The following APC variants were observed in gnomAD, a reference collection of about 807,000 sequenced individuals.
The protein encoded by APC is adenomatous polyposis coli protein.
In APC, 72 loss-of-function variants were observed where a neutral mutation model predicts 247.0. That is an observed-to-expected ratio of 0.29 (90% CI 0.24 to 0.35). APC has a LOEUF of 0.35. APC is among the 10% of genes least tolerant of loss of function. The pLI, the probability that APC is intolerant of heterozygous loss-of-function variation, is 1.00. For missense variants in APC, 3,400 were observed against 3,360.7 expected (o/e 1.01, Z -0.29); for synonymous variants, 1,254 against 1,162.5 (o/e 1.08, Z -1.60).
At chr5:112,739,982 A>G (rs1416010048) in intron 1 of APC, among the ~76,000 whole-genome samples, 1 of 152,210 alleles carries the variant, frequency 6.6e-6, no homozygotes, top group Non-Finnish European at 1.5e-5. Flanking sequence ...TTGTATAACA[A>G]TGTAAAGAAC....
At chr5:112,786,149 C>T (rs1330071529) in intron 6 of APC, among the ~76,000 whole-genome samples, 1 of 152,130 alleles carries the variant, frequency 6.6e-6, no homozygotes, top group Non-Finnish European at 1.5e-5. Context: ...AGTGGCCATT[C>T]ACAGGAGCAA....
rs146269040 is a variant in APC, at chr5:112,791,118, T to G, written c.646-1328T>G. 3.2e-3 allele frequency among the ~76,000 whole-genome samples: 490 copies of G among 152,152 alleles called. 3 individuals are homozygous for G. Among genetic ancestry groups the G allele is most frequent in the African/African-American group, 0.011 (467 of 41,490 alleles). On this transcript the variant is annotated intron_variant, in intron 6 of 15. Transcript: ENST00000257430. Reference sequence around the variant, plus strand: ...AGTGAGTTGTTTTTTCCACTTCCACTAGTATTCATAAAAGTTAAAATGAAG... The same window carrying G: ...AGTGAGTTGTTTTTTCCACTTCCACGAGTATTCATAAAAGTTAAAATGAAG...
chr5:112,785,032 C>G (rs1178662113), intron 6 of APC, among the ~76,000 whole-genome samples: 2 of 151,960 alleles, frequency 1.3e-5, no homozygotes, highest in African/African-American at 4.8e-5. Context: ...CCACTGCACT[C>G]CAACCTGGGT....
Position 112,843,710 on chromosome 5 carries a change from G to A in APC, c.8116G>A (p.Val2706Met), listed in dbSNP as rs1766647850. The change falls in exon 16 of 16, where the codon GTG becomes ATG. Residue 2706 changes from valine (V) to methionine (M), a missense_variant. Val to Met is a conservative substitution (Grantham distance 21). This residue lies in a region of APC where 1,788 missense variants were observed against 1,649.5 expected (regional missense o/e 1.08). Transcript: ENST00000257430. This position sits in a 1 kb window ranked among gnomAD's most constrained non-coding sequence, Gnocchi z 4.8. ...AAAAGATAATCAGGCAAAACAAAAT[G>A]TGGGTAATGGCAGTGTTCCCATGCG... ...DSKDNQAKQN[V>M]GNGSVPMRTV... 2 of 1,614,066 alleles carry A rather than the reference G, an allele frequency of 1.2e-6. No homozygotes were observed. The highest frequency in any genetic ancestry group is 1.7e-6 in the Non-Finnish European group (2 of 1,179,954).
At chr5:112,807,217 C>G (rs114336248) in intron 8 of APC, among the ~76,000 whole-genome samples, 1,578 of 151,654 alleles carry the variant, frequency 0.01, 27 homozygotes, top group African/African-American at 0.036. Context: ...AAAGTGTTGA[C>G]CAAATATCTT....
At chr5:112,778,830 A>G (rs1758008421) in intron 5 of APC, among the ~76,000 whole-genome samples, 1 of 152,232 alleles carries the variant, frequency 6.6e-6, no homozygotes, top group Non-Finnish European at 1.5e-5. Context: ...GGTGTGAGCC[A>G]CTGCGCCCAG....
chr5:112,763,362 GTT>G (rs11367486), intron 2 of APC, among the ~76,000 whole-genome samples: 29 of 149,788 alleles, frequency 1.9e-4, no homozygotes, highest in Non-Finnish European at 1.2e-4. Context: ...TATTTTGCAG[GTT>G]TTTTTTTTCT....
rs902036382 is a variant in APC, at chr5:112,842,822, G to A, written c.7228G>A (p.Ala2410Thr). The A allele has an allele frequency of 6.2e-7, 1 of 1,613,704 alleles. No homozygotes were observed. The highest frequency in any genetic ancestry group is 8.5e-7 in the Non-Finnish European group (1 of 1,179,726). Reference sequence around the variant, plus strand: ...AAATCAGATGAATAATGGTAATGGAGCCAATAAAAAGGTAGAACTTTCTAG... The same window carrying A: ...AAATCAGATGAATAATGGTAATGGAACCAATAAAAAGGTAGAACTTTCTAG... ...GLNQMNNGNG[A>T]NKKVELSRMS... Residue 2410 changes from alanine (A) to threonine (T), a missense_variant, in exon 16 of 16, where the codon GCC becomes ACC. Ala to Thr is a moderately conservative substitution (Grantham distance 58). Coordinates refer to ENST00000257430, the MANE Select transcript of APC (RefSeq NM_000038.6).
rs775172323 is a variant in APC, at chr5:112,819,334, C to A, written c.1302C>A (p.Asp434Glu). ...CTCATGAACCAGGCATGGACCAGGA[C>A]AAAAATCCAAGTATGTTCTCTATAG... ...QEAHEPGMDQDKNPMPAPVEH... is the reference protein window; with the variant it reads ...QEAHEPGMDQEKNPMPAPVEH... Residue 434 changes from aspartate to glutamate, a missense_variant, in exon 10 of 16, where the codon GAC becomes GAA. Physicochemically the swap from Asp to Glu is conservative, Grantham distance 45 (BLOSUM62 2). Coordinates refer to ENST00000257430, the MANE Select transcript of APC (RefSeq NM_000038.6). 1 of 1,613,790 alleles carries A rather than the reference C, an allele frequency of 6.2e-7. No individual in the cohort carries two copies. Among genetic ancestry groups the A allele is most frequent in the East Asian group, 2.2e-5 (1 of 44,882 alleles).
At position 112,792,511 on chromosome 5, in the gene APC, C is replaced by G. The variant is rs758646398; in HGVS notation, c.711C>G (p.Ser237=). 1 of 1,612,162 alleles carries G rather than the reference C, an allele frequency of 6.2e-7. No homozygotes were observed. The highest frequency in any genetic ancestry group is 1.7e-5 in the Admixed American group (1 of 59,976). The stretch of plus-strand genomic sequence containing the variant: ...TTCGTATACGACAGCTTTTACAGTC[C>G]CAAGCAACAGAAGCAGAGGTTAGTA... ...DILRIRQLLQ[S]QATEAERSSQ... The change falls in exon 7 of 16, where the codon TCC becomes TCG. Residue 237 remains serine (S), a synonymous_variant. Transcript: ENST00000257430.
intron 1 of APC, among the ~76,000 whole-genome samples, chr5:112,740,578 G>A (rs1463391753): frequency 3.7e-5 from 5 of 135,870 alleles, no homozygotes; most frequent in South Asian, 4.6e-4. Context: ...CCAGGCTGGC[G>A]TGCAGTAGCA....
chr5:112,773,606 G>A (rs1187296439), intron 4 of APC, among the ~76,000 whole-genome samples: 4 of 152,134 alleles, frequency 2.6e-5, no homozygotes, highest in Non-Finnish European at 5.9e-5. Context: ...ACTATGTTAA[G>A]TTAGAGAAAA....
chr5:112,763,011 A>G (rs1561456652), intron 2 of APC, among the ~76,000 whole-genome samples: 3 of 152,230 alleles, frequency 2.0e-5, no homozygotes, highest in Non-Finnish European at 1.5e-5. Context: ...CACTTACAAA[A>G]GTAATTTAAC....
intron 6 of APC, among the ~76,000 whole-genome samples, chr5:112,785,030 C>T (rs539629905): frequency 6.6e-6 from 1 of 152,220 alleles, no homozygotes; most frequent in Admixed American, 6.5e-5. Flanking sequence ...TGCCACTGCA[C>T]TCCAACCTGG....
In APC at chr5:112,838,812, C is replaced by T. The variant is rs773354366; in HGVS notation, c.3218C>T (p.Thr1073Ile). 5 of 1,614,024 alleles carry T rather than the reference C, an allele frequency of 3.1e-6. No homozygotes were observed. The highest frequency in any genetic ancestry group is 4.5e-5 in the East Asian group (2 of 44,886). The change falls in exon 16 of 16, where the codon ACA becomes ATA. Residue 1073 changes from threonine (T) to isoleucine (I), a missense_variant. By Grantham distance (89) the Thr-to-Ile change is moderately conservative. Around this residue, in one of 9 missense-constraint regions of APC, gnomAD observed 715 missense variants for 656.6 expected, o/e 1.09. Transcript: ENST00000257430. ...SEQRQSRNQSTTYPVYTESTD... is the reference protein window; with the variant it reads ...SEQRQSRNQSITYPVYTESTD... ...CAAAGACAATCAAGGAATCAAAGTA[C>T]AACTTATCCTGTTTATACTGAGAGC...
intron 1 of APC, among the ~76,000 whole-genome samples, chr5:112,710,959 C>G (rs977701855): frequency 6.6e-6 from 1 of 152,230 alleles, no homozygotes; most frequent in African/African-American, 2.4e-5. Context: ...CTGCCTTTAC[C>G]ATTTCACCAC....
At chr5:112,726,425 A>G (rs1168481290) in intron 1 of APC, among the ~76,000 whole-genome samples, 1 of 152,216 alleles carries the variant, frequency 6.6e-6, no homozygotes, top group African/African-American at 2.4e-5. Context: ...GACCATCCCC[A>G]GCCAAACTCC....
chr5:112,743,667 G>A (rs762598788), intron 1 of APC, among the ~76,000 whole-genome samples: 13 of 152,116 alleles, frequency 8.5e-5, no homozygotes, highest in Non-Finnish European at 1.9e-4. Context: ...AAACGTTAAA[G>A]CAACACAGCC....
chr5:112,760,928 G>A (rs564602171), intron 2 of APC, among the ~76,000 whole-genome samples: 20 of 151,938 alleles, frequency 1.3e-4, no homozygotes, highest in Non-Finnish European at 2.2e-4. Context: ...TTCTGCCTCA[G>A]CCTCCCAAGT....
Sources: allele counts gnomAD v4.1 joint callset (sites outside exome capture counted in the v4.1 genomes callset), GRCh38; gene constraint gnomAD v4.1.1; regional missense constraint gnomAD v4.1.1; non-coding constraint Gnocchi (gnomAD v3.1); transcripts MANE v1.5; gene names NCBI Gene and HGNC (gene_info 2026-07-23, HGNC 2026-07-21).